The following BACE1 variants were observed in gnomAD, a reference collection of about 807,000 sequenced individuals.
BACE1 encodes the protein APP beta-secretase.
In BACE1, 21 loss-of-function variants were observed where a neutral mutation model predicts 54.0. The observed-to-expected ratio is 0.39, with a 90% CI of 0.28 to 0.56. The LOEUF (loss-of-function observed/expected upper bound fraction) is 0.56. BACE1 is among the 20% of genes least tolerant of loss of function. The pLI, the probability that BACE1 is intolerant of heterozygous loss-of-function variation, is 0.63. For missense variants in BACE1, 511 were observed against 661.2 expected (o/e 0.77, Z 2.49); for synonymous variants, 232 against 260.9 (o/e 0.89, Z 1.07).
rs572697964 is a variant in BACE1 at position 117,315,296 on chromosome 11, C to G, written c.261+239G>C. ...CTGTCTTGCCTCAAATCCTTCCAGA[C>G]GGCGTATGTGTCAGATGAGGAGCAA... On this transcript the variant is annotated intron_variant, in intron 1 of 8. Coordinates refer to ENST00000313005, the MANE Select transcript of BACE1 (RefSeq NM_012104.6). The surrounding 1 kb of genome is among the most constrained non-coding windows in gnomAD (Gnocchi z 5.5). Among the ~76,000 whole-genome samples the G allele has an allele frequency of 6.6e-6, 1 of 152,232 alleles. No homozygotes were observed. The highest frequency in any genetic ancestry group is 1.9e-4 in the East Asian group (1 of 5,162).
intron 1 of BACE1, chr11:117,297,212 GA>G: frequency 2.2e-6 from 1 of 446,052 alleles, no homozygotes; most frequent in Non-Finnish European, 3.9e-6. Context: ...AAAACCAACT[GA>G]AAAAAGGCAG....
intron 7 of BACE1, 66 bp downstream of exon 7, chr11:117,290,834 T>C: frequency 6.3e-6 from 10 of 1,582,442 alleles, no homozygotes; most frequent in Non-Finnish European, 8.6e-6. Context: ...TGGCAAGCCA[T>C]ACCTGCTCAC....
At position 117,293,078 on chromosome 11, in the gene BACE1, C is replaced by T. The variant is rs140050693; in HGVS notation, c.816G>A (p.Gln272=). ...VIIVRVEING[Q]DLKMDCKEYN... ...CCTCCTTGCAGTCCATTTTCAGATC[C>T]TGTCCATTGATCTCCACCCGCACAA... The change falls in exon 5 of 9, where the codon CAG becomes CAA. Residue 272 remains glutamine (Q), a synonymous_variant. Transcript: ENST00000313005. The surrounding 1 kb of genome is among the most constrained non-coding windows in gnomAD (Gnocchi z 4.1). The T allele has an allele frequency of 6.2e-7, 1 of 1,613,932 alleles. No homozygotes were observed. Among genetic ancestry groups the T allele is most frequent in the Non-Finnish European group, 8.5e-7 (1 of 1,179,994 alleles).
rs1490446446 is a variant in BACE1, at chr11:117,315,317, A to G, written c.261+218T>C. On this transcript the variant is annotated intron_variant, in intron 1 of 8. Coordinates refer to ENST00000313005, the MANE Select transcript of BACE1 (RefSeq NM_012104.6). The surrounding 1 kb of genome is among the most constrained non-coding windows in gnomAD (Gnocchi z 5.5). ...CAGACGGCGTATGTGTCAGATGAGG[A>G]GCAAGGGGAACTAGGCAGCCAGGGG... is the stretch of plus-strand genomic sequence containing the variant. Among the ~76,000 whole-genome samples the G allele has an allele frequency of 6.6e-6, 1 of 152,066 alleles. No homozygotes were observed. The highest frequency in any genetic ancestry group is 2.4e-5 in the African/African-American group (1 of 41,402).
At chr11:117,289,933 ATAT>A in intron 8 of BACE1, 126 bp from the exon 9 acceptor site, 6 of 853,944 alleles carry the variant, frequency 7.0e-6, no homozygotes, top group Non-Finnish European at 1.1e-5. Flanking sequence ...TTCCCAGGAG[ATAT>A]TTAGGAGCAG....
chr11:117,306,812 A>G (rs12279121), intron 1 of BACE1, among the ~76,000 whole-genome samples: 3,878 of 152,176 alleles, frequency 0.025, 153 homozygotes, highest in African/African-American at 0.088. Context: ...CCCTGTCTCA[A>G]GAAAAAAAAA....
At chr11:117,290,103 T>C (rs1438803824) in intron 8 of BACE1, among the ~76,000 whole-genome samples, 1 of 152,120 alleles carries the variant, frequency 6.6e-6, no homozygotes, top group Non-Finnish European at 1.5e-5. Context: ...CCAAATCTAG[T>C]AAACTTAACT....
chr11:117,306,018 AGAGT>A (rs2034826865), intron 1 of BACE1, among the ~76,000 whole-genome samples: 2 of 152,212 alleles, frequency 1.3e-5, no homozygotes, highest in African/African-American at 4.8e-5. Flanking sequence ...CCTGGGCGAC[AGAGT>A]GAGACTCCGT....
intron 1 of BACE1, among the ~76,000 whole-genome samples, chr11:117,306,714 C>T (rs958846198): frequency 3.9e-5 from 6 of 151,960 alleles, no homozygotes; most frequent in Non-Finnish European, 4.4e-5. Context: ...GGCAGGCCGA[C>T]GCTGGAGAAT....
At chr11:117,299,595 G>A in intron 1 of BACE1, 1 of 347,690 alleles carries the variant, frequency 2.9e-6, no homozygotes, top group Non-Finnish European at 5.6e-6. Flanking sequence ...CTCCTTCCCA[G>A]CCCCCCACTC....
chr11:117,297,829 A>G (rs2034639185), intron 1 of BACE1, among the ~76,000 whole-genome samples: 1 of 152,238 alleles, frequency 6.6e-6, no homozygotes, highest in Non-Finnish European at 1.5e-5. Context: ...AGGGCCTCAG[A>G]GAAAGCCAGG....
At position 117,315,757 on chromosome 11, in the gene BACE1, G is replaced by T; in HGVS notation, c.39C>A (p.Gly13=). ...TGCCGTGGGCAGGCAGCACTCCCGC[G>T]CCCATCCACAGCAGGAGCCAGGGCA... is the stretch of plus-strand genomic sequence containing the variant. ...QALPWLLLWM[G]AGVLPAHGTQ... is the part of the protein sequence containing the mutation. Residue 13 remains glycine, a synonymous_variant, in exon 1 of 9, where the codon GGC becomes GGA. Coordinates refer to ENST00000313005, the MANE Select transcript of BACE1 (RefSeq NM_012104.6). The surrounding 1 kb of genome is among the most constrained non-coding windows in gnomAD (Gnocchi z 5.5). 6.8e-7 allele frequency: 1 copy of T among 1,464,800 alleles called. No individual in the cohort carries two copies. Among genetic ancestry groups the T allele is most frequent in the East Asian group, 2.9e-5 (1 of 34,800 alleles). The allele number at this position is 1,464,800 out of a possible 1,614,324, so 90.7% of individuals were successfully genotyped here. A position where few individuals can be genotyped will look rare whatever the true frequency, so the allele number is the denominator to read the frequency against.
intron 7 of BACE1, 73 bp from the exon 8 acceptor site, chr11:117,290,732 A>G (rs1012121783): frequency 1.1e-5 from 18 of 1,582,384 alleles, no homozygotes; most frequent in Non-Finnish European, 1.5e-5. Context: ...GTAGGCATCT[A>G]TGCCCTTCCC....
chr11:117,305,882 A>G (rs1375044160), intron 1 of BACE1, among the ~76,000 whole-genome samples: 1 of 151,976 alleles, frequency 6.6e-6, no homozygotes, highest in East Asian at 1.9e-4. Context: ...AAAAAATACA[A>G]AAAATTAGCC....
chr11:117,313,578 G>A (rs1435345251), intron 1 of BACE1, among the ~76,000 whole-genome samples: 1 of 152,158 alleles, frequency 6.6e-6, no homozygotes, highest in Non-Finnish European at 1.5e-5. Flanking sequence ...GGGATTACAG[G>A]TGCATGCCAC....
Position 117,289,819 on chromosome 11 carries a change from G to A in BACE1, c.1265-12C>T, listed in dbSNP as rs2034365427. On this transcript the variant is annotated splice_polypyrimidine_tract_variant and intron_variant, in intron 8 of 8. Transcript: ENST00000313005. ...GAACTCATCGTGCACTGGGGAGAGG[G>A]CAAATGTGAATGGACAGCTCTCATT... The A allele has an allele frequency of 1.9e-6, 3 of 1,608,682 alleles. No homozygotes were observed. Among genetic ancestry groups the A allele is most frequent in the African/African-American group, 1.3e-5 (1 of 74,810 alleles).
intron 8 of BACE1, among the ~76,000 whole-genome samples, chr11:117,290,275 A>T (rs1303557240): frequency 6.6e-6 from 1 of 152,162 alleles, no homozygotes; most frequent in African/African-American, 2.4e-5. Context: ...TGGGTTTCCA[A>T]CAGAGGTTAC....
chr11:117,309,017 CT>C lies in BACE1; in HGVS notation c.261+6517del, dbSNP rs577474096. Among the ~76,000 whole-genome samples, 307 of 152,246 alleles carry C rather than the reference CT, an allele frequency of 2.0e-3. 2 individuals are homozygous for C. The highest frequency in any genetic ancestry group is 6.5e-3 in the African/African-American group (271 of 41,546). On this transcript the variant is annotated intron_variant, in intron 1 of 8. Coordinates refer to ENST00000313005, the MANE Select transcript of BACE1 (RefSeq NM_012104.6). ...AAGCTTTCCCCTGTTGCTTTGTTCC[CT>C]GACAAAAAGTCAGAGAGGTTAAATA...
At chr11:117,295,995 C>T (rs1354676286) in intron 2 of BACE1, among the ~76,000 whole-genome samples, 1 of 152,202 alleles carries the variant, frequency 6.6e-6, no homozygotes, top group Non-Finnish European at 1.5e-5. Flanking sequence ...AATGCCCTTT[C>T]ATCGATCCTA....
Sources: gnomAD v4.1 joint callset for allele counts (sites outside exome capture counted in the v4.1 genomes callset) on GRCh38, gnomAD v4.1.1 for gene constraint, Gnocchi (gnomAD v3.1) non-coding constraint, MANE v1.5 for transcripts, NCBI Gene and HGNC (gene_info 2026-07-23, HGNC 2026-07-21) for gene names.